Variants in UTS2 observed in about 807,000 individuals in gnomAD.
UTS2 encodes urotensin-2.
Under a neutral mutation model 12.6 loss-of-function variants are expected in UTS2, and 10 were observed. The ratio of observed to expected loss-of-function variants is 0.80; its 90% confidence interval spans 0.49 to 1.35. UTS2 has a LOEUF of 1.35. Ranked by LOEUF, UTS2 falls within the 40% of genes most tolerant of loss-of-function variation. The pLI, the probability that UTS2 is intolerant of heterozygous loss-of-function variation, is 0.00. For synonymous variants in UTS2, 52 were observed against 50.0 expected (o/e 1.04, Z -0.17); for missense variants, 142 against 143.2 (o/e 0.99, Z 0.04).
At chr1:7,849,889 C>T (rs1037904137) in intron 2 of UTS2, among the ~76,000 whole-genome samples, 2 of 152,124 alleles carry the variant, frequency 1.3e-5, no homozygotes, top group African/African-American at 2.4e-5. Context: ...TCAGTAACTT[C>T]GCAGTCCAGT....
chr1:7,864,057 C>T, the UTS2 span, among the ~76,000 whole-genome samples: 2 of 152,238 alleles, frequency 1.3e-5, no homozygotes, highest in South Asian at 4.1e-4. Context: ...CTTCCACCGC[C>T]GTCTCCAGGT....
the UTS2 span, among the ~76,000 whole-genome samples, chr1:7,866,104 G>A: frequency 3.9e-5 from 6 of 152,198 alleles, no homozygotes; most frequent in Non-Finnish European, 7.3e-5. The surrounding 1 kb of genome is among the most constrained non-coding windows in gnomAD (Gnocchi z 4.5). Flanking sequence ...TGGAGGAACC[G>A]TCATGGTCGA....
At chr1:7,906,499 G>A in the UTS2 span, among the ~76,000 whole-genome samples, 1 of 129,564 alleles carries the variant, frequency 7.7e-6, no homozygotes, top group Non-Finnish European at 1.6e-5. Context: ...AAGAAAGAAA[G>A]AAAGAAAGAA....
chr1:7,885,623 C>T, the UTS2 span, among the ~76,000 whole-genome samples: 3 of 151,796 alleles, frequency 2.0e-5, no homozygotes, highest in Non-Finnish European at 4.4e-5. Context: ...CAGCCCAGGG[C>T]TGGGCGGGGT....
chr1:7,877,091 T>C, the UTS2 span, among the ~76,000 whole-genome samples: 2 of 140,166 alleles, frequency 1.4e-5, no homozygotes. Context: ...ATTGCATCAC[T>C]GTACTCCAGC....
chr1:7,884,537 G>A, the UTS2 span, among the ~76,000 whole-genome samples: 1 of 151,944 alleles, frequency 6.6e-6, no homozygotes, highest in African/African-American at 2.4e-5. Flanking sequence ...TCAAATTCCT[G>A]GGCTCAAGCG....
chr1:7,849,672 T>G lies in UTS2; in HGVS notation c.226A>C (p.Asn76His). 1 of 1,610,508 alleles carries G rather than the reference T, an allele frequency of 6.2e-7. No homozygotes were observed. The highest frequency in any genetic ancestry group is 8.5e-7 in the Non-Finnish European group (1 of 1,179,298). Residue 76 changes from asparagine to histidine, a missense_variant, in exon 3 of 4, where the codon AAC (asparagine) becomes CAC (histidine). Asn to His is a moderately conservative substitution (Grantham distance 68). Transcript: ENST00000361696. ...DILRKADSSTNIFNPRGNLRK... is the reference protein window; with the variant it reads ...DILRKADSSTHIFNPRGNLRK... The stretch of plus-strand genomic sequence containing the variant: ...AAATTTCCTCTTGGGTTAAAAATGT[T>G]GGTACTTGAGTCTGAAAAACAGTTT...
At chr1:7,905,860 A>G in the UTS2 span, among the ~76,000 whole-genome samples, 1 of 151,940 alleles carries the variant, frequency 6.6e-6, no homozygotes, top group East Asian at 1.9e-4. Context: ...GATTGGTTTT[A>G]CATTTAGCTC....
the UTS2 span, among the ~76,000 whole-genome samples, chr1:7,866,718 G>A: frequency 3.7e-4 from 56 of 152,134 alleles, no homozygotes; most frequent in Middle Eastern, 3.2e-3. The surrounding 1 kb of genome is among the most constrained non-coding windows in gnomAD (Gnocchi z 4.5). Context: ...AGAAGTTCAG[G>A]GGCAGTGTGT....
At chr1:7,900,491 T>C in the UTS2 span, among the ~76,000 whole-genome samples, 2 of 151,240 alleles carry the variant, frequency 1.3e-5, no homozygotes, top group African/African-American at 4.9e-5. Context: ...TAATATTTTG[T>C]TTTGGCCAGG....
intron 2 of UTS2, 30 bp from the exon 3 acceptor site, chr1:7,849,713 A>T: frequency 6.3e-7 from 1 of 1,585,818 alleles, no homozygotes; most frequent in Non-Finnish European, 8.6e-7. Flanking sequence ...CCAGTTCATC[A>T]GATCTGTTGT....
the UTS2 span, among the ~76,000 whole-genome samples, chr1:7,892,469 G>GTTTTTT: frequency 1.8e-4 from 14 of 77,756 alleles, no homozygotes; most frequent in Non-Finnish European, 2.3e-4. Context: ...CCTCATGCAT[G>GTTTTTT]TTTTTTTTTT....
the UTS2 span, among the ~76,000 whole-genome samples, chr1:7,891,536 A>AAAAGAAAGAAAGAAGG: frequency 9.1e-6 from 1 of 109,820 alleles, no homozygotes; most frequent in African/African-American, 3.6e-5. Flanking sequence ...AGAAAGAAAG[A>AAAAGAAAGAAAGAAGG]AAAGAAAGAA....
chr1:7,862,153 T>C, the UTS2 span, among the ~76,000 whole-genome samples: 3 of 151,630 alleles, frequency 2.0e-5, no homozygotes, highest in African/African-American at 7.3e-5. Flanking sequence ...CCTCAGGTGA[T>C]TCCCCCCCCG....
At chr1:7,901,135 T>C in the UTS2 span, among the ~76,000 whole-genome samples, 4 of 152,230 alleles carry the variant, frequency 2.6e-5, no homozygotes, top group African/African-American at 7.2e-5. Context: ...TCAAATGTAT[T>C]GGCAAAAACC....
chr1:7,858,101 G>A (rs1232887258), upstream of UTS2, among the ~76,000 whole-genome samples: 1 of 152,110 alleles, frequency 6.6e-6, no homozygotes, highest in Non-Finnish European at 1.5e-5. Context: ...GGTGACTCAG[G>A]GGGTACTTCT....
the UTS2 span, among the ~76,000 whole-genome samples, chr1:7,907,455 G>A: frequency 6.6e-6 from 1 of 151,622 alleles, no homozygotes; most frequent in Admixed American, 6.6e-5. Flanking sequence ...GAGAGCAGCA[G>A]GGCATCATAG....
chr1:7,904,740 A>T, the UTS2 span, among the ~76,000 whole-genome samples: 1 of 151,966 alleles, frequency 6.6e-6, no homozygotes, highest in Non-Finnish European at 1.5e-5. Context: ...CCCTGTCTCT[A>T]CTAAAAATAT....
chr1:7,853,119 C>T, upstream of UTS2: 1 of 1,447,582 alleles, frequency 6.9e-7, no homozygotes, highest in Middle Eastern at 1.8e-4. Flanking sequence ...TGACATCATC[C>T]TCTCCAAAAA....
Sources: allele counts gnomAD v4.1 joint callset (sites outside exome capture counted in the v4.1 genomes callset), GRCh38; gene constraint gnomAD v4.1.1; non-coding constraint Gnocchi (gnomAD v3.1); transcripts MANE v1.5; gene names NCBI Gene and HGNC (gene_info 2026-07-23, HGNC 2026-07-21).